EXOC4: variants seen among roughly 807,000 people sequenced by gnomAD.
EXOC4 encodes SEC8-like 1.
Under a neutral mutation model 107.2 loss-of-function variants are expected in EXOC4, and 71 were observed. The observed-to-expected ratio is 0.66, with a 90% CI of 0.55 to 0.81. The LOEUF is 0.81. Ranked by LOEUF, EXOC4 falls within the 30% of genes least tolerant of loss-of-function variation. The pLI, the probability that EXOC4 is intolerant of heterozygous loss-of-function variation, is 0.00. For missense variants in EXOC4, 1,108 were observed against 1,189.6 expected (o/e 0.93, Z 1.01); for synonymous variants, 456 against 441.2 (o/e 1.03, Z -0.42).
At chr7:133,856,386 T>G (rs891966514) in intron 11 of EXOC4, among the ~76,000 whole-genome samples, 1 of 152,244 alleles carries the variant, frequency 6.6e-6, no homozygotes, top group Admixed American at 6.5e-5. Flanking sequence ...TGGAGCACAC[T>G]GCCTGGGCCT....
rs1014902366 is a variant in EXOC4 at position 133,277,295 on chromosome 7, A to G, written c.276+2124A>G. Among the ~76,000 whole-genome samples the G allele has an allele frequency of 1.2e-4, 18 of 152,338 alleles. 1 individual carries two copies. The East Asian group carries it at 1.5e-3, about 13-fold the overall frequency. On this transcript the variant is annotated intron_variant, in intron 2 of 17. Coordinates refer to ENST00000253861, the MANE Select transcript of EXOC4 (RefSeq NM_021807.4). The stretch of plus-strand genomic sequence containing the variant: ...AATATACTAAGCTCAAGAGGGGTCA[A>G]TGAATGTATAGAGCTGCTGACCTTC...
At chr7:133,958,724 A>T (rs538410007) in intron 14 of EXOC4, among the ~76,000 whole-genome samples, 1 of 152,316 alleles carries the variant, frequency 6.6e-6, no homozygotes, top group East Asian at 1.9e-4. Flanking sequence ...TTTAGGATAT[A>T]TTTACCCTCA....
chr7:133,362,866 C>T (rs1045428453), intron 6 of EXOC4, among the ~76,000 whole-genome samples: 5 of 152,030 alleles, frequency 3.3e-5, no homozygotes, highest in African/African-American at 9.7e-5. Context: ...TCTAAGTATC[C>T]GAAATGCAGG....
chr7:133,345,049 A>G (rs1305577063), intron 5 of EXOC4, among the ~76,000 whole-genome samples: 1 of 152,168 alleles, frequency 6.6e-6, no homozygotes, highest in Non-Finnish European at 1.5e-5. Flanking sequence ...TTCTGGAGGA[A>G]ATATTGAAAG....
chr7:133,404,003 C>T (rs1797152052), intron 7 of EXOC4, among the ~76,000 whole-genome samples: 1 of 152,162 alleles, frequency 6.6e-6, no homozygotes, highest in Non-Finnish European at 1.5e-5. Context: ...CCTGGCTCAC[C>T]ATACCATCCT....
chr7:133,918,525 G>T (rs1799863239), intron 13 of EXOC4, among the ~76,000 whole-genome samples: 1 of 152,170 alleles, frequency 6.6e-6, no homozygotes, highest in South Asian at 2.1e-4. Flanking sequence ...ATACAAATGT[G>T]CTTCCTGTGT....
intron 7 of EXOC4, among the ~76,000 whole-genome samples, chr7:133,375,564 G>C (rs1292012884): frequency 6.6e-6 from 1 of 151,978 alleles, no homozygotes; most frequent in African/African-American, 2.4e-5. Flanking sequence ...CTGGCTTTCT[G>C]TCGTAGTATA....
At chr7:133,682,835 C>A (rs755777657) in intron 10 of EXOC4, among the ~76,000 whole-genome samples, 1 of 152,224 alleles carries the variant, frequency 6.6e-6, no homozygotes, top group Non-Finnish European at 1.5e-5. Context: ...CGCACCTGCT[C>A]GGTCCCAGAG....
intron 7 of EXOC4, among the ~76,000 whole-genome samples, chr7:133,380,132 T>C (rs1247708): frequency 0.81 from 123,040 of 151,454 alleles, 50,212 homozygotes; most frequent in East Asian, 0.95. Context: ...GAGATATACC[T>C]AATGTAAATG....
At chr7:133,292,105 G>A (rs1794420213) in intron 3 of EXOC4, among the ~76,000 whole-genome samples, 1 of 152,192 alleles carries the variant, frequency 6.6e-6, no homozygotes, top group Non-Finnish European at 1.5e-5. Context: ...AGCACTTTGG[G>A]AGGCTGAGGT....
At chr7:133,659,939 T>C (rs1803399527) in intron 10 of EXOC4, among the ~76,000 whole-genome samples, 1 of 152,206 alleles carries the variant, frequency 6.6e-6, no homozygotes, top group Admixed American at 6.5e-5. Context: ...CAGTAAGATA[T>C]GACTGAACTC....
At chr7:133,722,678 A>G (rs964258817) in intron 10 of EXOC4, among the ~76,000 whole-genome samples, 6 of 152,206 alleles carry the variant, frequency 3.9e-5, no homozygotes, top group Non-Finnish European at 8.8e-5. Flanking sequence ...AATTTTTACT[A>G]GAGTGTTCAT....
In EXOC4 at chr7:133,857,175, TATATATATATATATATATATATATA is replaced by T. The variant is rs1563029843; in HGVS notation, c.1735-38423_1735-38399del. On this transcript the variant is annotated intron_variant, in intron 11 of 17. Coordinates refer to ENST00000253861, the MANE Select transcript of EXOC4 (RefSeq NM_021807.4). ...ATATATATATATATATATATATATA[TATATATATATATATATATATATATA>T]TTTTACCTCTACTTAACCTCCCTGG... 7.0e-3 allele frequency among the ~76,000 whole-genome samples: 128 copies of T among 18,244 alleles called. 4 individuals carry two copies. Among genetic ancestry groups the T allele is most frequent in the Non-Finnish European group, 9.9e-3 (111 of 11,172 alleles). 12.0% of individuals were successfully genotyped at this position (18,244 alleles called of 152,430 possible). A position where few individuals can be genotyped will look rare whatever the true frequency, so the allele number is the denominator to read the frequency against.
intron 12 of EXOC4, among the ~76,000 whole-genome samples, chr7:133,905,188 G>C (rs1799539827): frequency 6.6e-6 from 1 of 152,112 alleles, no homozygotes; most frequent in Non-Finnish European, 1.5e-5. Flanking sequence ...CTGAGGGTTG[G>C]CTTGTTTTCC....
At chr7:133,424,123 T>A (rs981148710) in intron 7 of EXOC4, among the ~76,000 whole-genome samples, 2 of 152,024 alleles carry the variant, frequency 1.3e-5, no homozygotes, top group Non-Finnish European at 1.5e-5. Context: ...TGGGGCCAGA[T>A]TAGGGAATAA....
chr7:133,484,643 A>G lies in EXOC4; in HGVS notation c.1417+4505A>G, dbSNP rs113375420. 3.6e-3 allele frequency among the ~76,000 whole-genome samples: 550 copies of G among 152,342 alleles called. 5 individuals are homozygous for G. Among genetic ancestry groups the G allele is most frequent in the African/African-American group, 0.012 (513 of 41,576 alleles). On this transcript the variant is annotated intron_variant, in intron 9 of 17. Transcript: ENST00000253861. ...CTGCCTCAGATTTCTCATAGGAAAA[A>G]ATTAGAACTGTTTTCAGTCCTGACT... is the stretch of plus-strand genomic sequence containing the variant.
intron 9 of EXOC4, among the ~76,000 whole-genome samples, chr7:133,566,666 C>T (rs1563110330): frequency 6.6e-6 from 1 of 152,178 alleles, no homozygotes. Flanking sequence ...GCAGTATTAG[C>T]TCCACAATAG....
chr7:133,466,309 C>T (rs1009969905), intron 7 of EXOC4, among the ~76,000 whole-genome samples: 2 of 151,522 alleles, frequency 1.3e-5, no homozygotes, highest in South Asian at 2.1e-4. Context: ...AGTAGACCAA[C>T]CAATTAAAAA....
chr7:134,090,204 A>G, the EXOC4 span, among the ~76,000 whole-genome samples: 1 of 152,338 alleles, frequency 6.6e-6, no homozygotes, highest in Admixed American at 6.5e-5. Flanking sequence ...ACAGAAGATA[A>G]AGGACTCATT....
Sources: gnomAD v4.1 joint callset for allele counts (sites outside exome capture counted in the v4.1 genomes callset) on GRCh38, gnomAD v4.1.1 for gene constraint, MANE v1.5 for transcripts, NCBI Gene and HGNC (gene_info 2026-07-23, HGNC 2026-07-21) for gene names.